Variants in NDRG4 observed in about 807,000 individuals in gnomAD.
The protein encoded by NDRG4 is NDRG family member 4.
Under a neutral mutation model 55.8 loss-of-function variants are expected in NDRG4, and 38 were observed. The observed-to-expected ratio is 0.68, with a 90% CI of 0.53 to 0.89. The LOEUF is 0.89. Among genes scored for constraint, NDRG4 ranks in the 40% least tolerant of loss-of-function variants. The pLI is 0.00. For missense variants in NDRG4, 455 were observed against 468.6 expected (o/e 0.97, Z 0.27); for synonymous variants, 190 against 182.7 (o/e 1.04, Z -0.32).
chr16:58,468,486 C>T (rs2032144496), intron 1 of NDRG4, among the ~76,000 whole-genome samples: 1 of 152,120 alleles, frequency 6.6e-6, no homozygotes, highest in South Asian at 2.1e-4. Flanking sequence ...TTTGGGAGGC[C>T]CAGATGGGTG....
At chr16:58,514,521 G>A (rs2039057459), downstream of NDRG4, among the ~76,000 whole-genome samples, 1 of 152,096 alleles carries the variant, frequency 6.6e-6, no homozygotes, top group African/African-American at 2.4e-5. Context: ...GGGATTGCCT[G>A]AGCTCAGGAG....
Position 58,469,775 on chromosome 16 carries a change from A to G in NDRG4, c.-24+5978A>G, listed in dbSNP as rs78320998. Reference sequence around the variant, plus strand: ...ATATGGCATTTGCTGTGCGCCAGACATAGTCTTAACCACATGCTATATGTT... The same window carrying G: ...ATATGGCATTTGCTGTGCGCCAGACGTAGTCTTAACCACATGCTATATGTT... On this transcript the variant is annotated intron_variant, in intron 1 of 15. Transcript: ENST00000258187. Among the ~76,000 whole-genome samples the G allele has an allele frequency of 7.6e-3, 1,151 of 152,314 alleles. 13 individuals carry two copies. The highest frequency in any genetic ancestry group is 0.027 in the African/African-American group (1,108 of 41,576).
chr16:58,505,835 C>A (rs2037895044), intron 5 of NDRG4, among the ~76,000 whole-genome samples: 1 of 148,362 alleles, frequency 6.7e-6, no homozygotes, highest in African/African-American at 2.5e-5. Context: ...AATTCTCCTG[C>A]CTCAGCCTCC....
chr16:58,511,581 C>A lies in NDRG4; in HGVS notation c.*5C>A, dbSNP rs766603881. On this transcript the variant is annotated 3_prime_UTR_variant, in exon 15 of 15. Transcript: ENST00000570248. ...ACCATGGAGGTGTCCTGTTGAAGCC[C>A]TTGATCCCGCTGACGACGCCCACGT... The A allele has an allele frequency of 1.2e-6, 2 of 1,613,076 alleles. No individual in the cohort carries two copies. The highest frequency in any genetic ancestry group is 1.7e-6 in the Non-Finnish European group (2 of 1,179,956).
intron 1 of NDRG4, chr16:58,463,921 T>G: frequency 1.4e-5 from 1 of 73,422 alleles, no homozygotes; most frequent in East Asian, 3.8e-4. Flanking sequence ...CGCACGACCC[T>G]AGCCCCGCGA....
At chr16:58,503,933 C>T (rs2037493458) in intron 2 of NDRG4, 30 bp downstream of exon 2, 3 of 1,610,398 alleles carry the variant, frequency 1.9e-6, no homozygotes, top group Non-Finnish European at 2.5e-6. Flanking sequence ...AGTCAGCCCT[C>T]CTCTGCCTCC....
intron 1 of NDRG4, among the ~76,000 whole-genome samples, chr16:58,487,444 C>T (rs1307651389): frequency 1.3e-5 from 2 of 152,094 alleles, no homozygotes; most frequent in Non-Finnish European, 2.9e-5. Flanking sequence ...CACTTGAACT[C>T]AGGAGGCGAA....
Position 58,509,344 on chromosome 16 carries a change from T to C in NDRG4, c.857T>C (p.Met286Thr), listed in dbSNP as rs758060720. The C allele has an allele frequency of 3.7e-6, 6 of 1,613,760 alleles. No homozygotes were observed. Among genetic ancestry groups the C allele is most frequent in the South Asian group, 1.1e-5 (1 of 91,082 alleles). Residue 286 changes from methionine to threonine, a missense_variant, in exon 13 of 15, where the codon ATG becomes ACG. Met to Thr is a moderately conservative substitution (Grantham distance 81). Transcript: ENST00000570248. ...GCCTTCAAATACTTCCTGCAAGGCA[T>C]GGGCTACAGTGAGTACATTTCCACC... ...TEAFKYFLQG[M>T]GYIAYLKDRR...
chr16:58,465,097 G>C (rs1447368016), intron 1 of NDRG4: 3 of 1,286,678 alleles, frequency 2.3e-6, no homozygotes, highest in South Asian at 2.5e-5. Flanking sequence ...GGGACGGGGG[G>C]GAGGATTCGA....
At chr16:58,510,268 T>C (rs570761197) in intron 13 of NDRG4, among the ~76,000 whole-genome samples, 8 of 152,274 alleles carry the variant, frequency 5.3e-5, no homozygotes, top group Non-Finnish European at 8.8e-5. Flanking sequence ...CGGAAGAACA[T>C]TGTCAGGCGC....
chr16:58,503,718 C>T (rs764487571), intron 1 of NDRG4, 80 bp from the exon 2 acceptor site: 1 of 1,590,132 alleles, frequency 6.3e-7, no homozygotes, highest in East Asian at 2.3e-5. Context: ...CTAACAGGTA[C>T]CAGGCTGCGT....
chr16:58,476,179 C>T (rs1370126185), intron 1 of NDRG4, among the ~76,000 whole-genome samples: 1 of 152,218 alleles, frequency 6.6e-6, no homozygotes, highest in African/African-American at 2.4e-5. Context: ...TCATCATAAA[C>T]AAATTTTATT....
intron 1 of NDRG4, among the ~76,000 whole-genome samples, chr16:58,483,769 T>G (rs938607305): frequency 6.6e-6 from 1 of 152,262 alleles, no homozygotes; most frequent in Admixed American, 6.5e-5. Flanking sequence ...ATCTTTCATT[T>G]AAAAGGCATT....
intron 1 of NDRG4, among the ~76,000 whole-genome samples, chr16:58,478,796 T>C (rs1230071735): frequency 6.6e-6 from 1 of 151,912 alleles, no homozygotes; most frequent in African/African-American, 2.4e-5. Flanking sequence ...CAGTGGTTTT[T>C]TTTTCTTATT....
chr16:58,490,257 C>G (rs529600178), intron 2 of NDRG4, among the ~76,000 whole-genome samples: 1 of 152,304 alleles, frequency 6.6e-6, no homozygotes, highest in South Asian at 2.1e-4. Flanking sequence ...GTGCAGGTTG[C>G]GGGACAGCCG....
intron 14 of NDRG4, chr16:58,510,889 C>T: frequency 1.6e-6 from 1 of 608,376 alleles, no homozygotes; most frequent in Non-Finnish European, 2.9e-6. Context: ...AGTCTTGCTT[C>T]TAGGTTGTCA....
At chr16:58,500,534 C>A (rs2151769514) in intron 1 of NDRG4, 1 of 565,692 alleles carries the variant, frequency 1.8e-6, no homozygotes. Context: ...GGTGACATAT[C>A]TGCAGGAAAT....
intron 13 of NDRG4, 31 bp downstream of exon 13, chr16:58,509,383 C>T: frequency 6.2e-7 from 1 of 1,609,268 alleles, no homozygotes; most frequent in Non-Finnish European, 8.5e-7. Context: ...CCCCACACCA[C>T]CTAGAGACCG....
upstream of NDRG4, among the ~76,000 whole-genome samples, chr16:58,497,755 A>T (rs1438622375): frequency 6.6e-6 from 1 of 152,190 alleles, no homozygotes; most frequent in Non-Finnish European, 1.5e-5. Flanking sequence ...TTGTCTGGCC[A>T]CTGTAACTGC....
Sources: allele counts gnomAD v4.1 joint callset (sites outside exome capture counted in the v4.1 genomes callset), GRCh38; gene constraint gnomAD v4.1.1; transcripts MANE v1.5; gene names NCBI Gene and HGNC (gene_info 2026-07-23, HGNC 2026-07-21).